Variants in PHF10 observed in about 807,000 individuals in gnomAD.
PHF10 encodes the protein PHD finger protein 10.
PHF10 carries 51 observed loss-of-function variants against 68.5 expected under a neutral mutation model. That is an observed-to-expected ratio of 0.74 (90% CI 0.59 to 0.94). The LOEUF is 0.94. PHF10 is among the 40% of genes least tolerant of loss of function. The pLI is 0.00. For synonymous variants in PHF10, 204 were observed against 203.5 expected (o/e 1.00, Z -0.02); for missense variants, 460 against 602.6 (o/e 0.76, Z 2.48).
At chr6:169,711,835 C>T (rs1296996562) in intron 8 of PHF10, among the ~76,000 whole-genome samples, 1 of 152,150 alleles carries the variant, frequency 6.6e-6, no homozygotes, top group African/African-American at 2.4e-5. Flanking sequence ...AGCCCTATGT[C>T]ATCACTGGGA....
intron 9 of PHF10, 59 bp from the exon 10 acceptor site, chr6:169,705,783 AG>A: frequency 1.1e-6 from 1 of 871,780 alleles, no homozygotes; most frequent in East Asian, 2.4e-5. Flanking sequence ...TGGGTTTAAA[AG>A]GAATTCTGTT....
At chr6:169,704,258 C>T in intron 11 of PHF10, 170 bp from the exon 12 acceptor site, 1 of 544,230 alleles carries the variant, frequency 1.8e-6, no homozygotes, top group Non-Finnish European at 3.2e-6. Context: ...TAAACTTAAT[C>T]AATGTAATCA....
chr6:169,714,965 G>A (rs1789012070), intron 6 of PHF10, 123 bp from the exon 7 acceptor site: 1 of 651,818 alleles, frequency 1.5e-6, no homozygotes. Flanking sequence ...AATTTTAGGA[G>A]ATATCAGGAG....
chr6:169,710,449 G>C (rs981478328), intron 8 of PHF10, 58 bp from the exon 9 acceptor site: 6 of 1,241,888 alleles, frequency 4.8e-6, no homozygotes, highest in Non-Finnish European at 5.8e-6. Flanking sequence ...TTTGAGTCTG[G>C]ATTTTGAAAA....
intron 9 of PHF10, among the ~76,000 whole-genome samples, chr6:169,706,727 T>TACATACACACACAC (rs1490874788): frequency 2.3e-4 from 29 of 127,462 alleles, no homozygotes; most frequent in Non-Finnish European, 4.4e-4. Flanking sequence ...CATACATACA[T>TACATACACACACAC]ACACACACAC....
Position 169,714,824 on chromosome 6 carries a change from C to T in PHF10, c.712G>A (p.Gly238Arg). 2 of 1,560,214 alleles carry T rather than the reference C, an allele frequency of 1.3e-6. No homozygotes were observed. Among genetic ancestry groups the T allele is most frequent in the Non-Finnish European group, 1.8e-6 (2 of 1,131,054 alleles). The change falls in exon 7 of 12, where the codon GGG becomes AGG. Residue 238 changes from glycine (G) to arginine (R), a missense_variant. Gly to Arg is a moderately radical substitution (Grantham distance 125, BLOSUM62 -2). Transcript: ENST00000339209. ...LQTHVIQVPQ[G>R]KYKVLPTERT... ...TCTGTTGGCAAAACTTTGTACTTCC[C>T]TTGAGGTACCTGGATAACCTACGTT... is the stretch of plus-strand genomic sequence containing the variant.
rs575944778 is a variant in PHF10, at chr6:169,705,221, T to A, written c.1323A>T (p.Gln441His). The change falls in exon 11 of 12, where the codon CAA (glutamine) becomes CAT (histidine). Residue 441 changes from glutamine to histidine, a missense_variant. Gln to His is a conservative substitution (Grantham distance 24, BLOSUM62 0). This residue lies in a region of PHF10 where 111 missense variants were observed against 109.7 expected (regional missense o/e 1.01). Transcript: ENST00000339209. ...ACATCATTTCTTCTTCATGGTGGGG[T>A]TGTCCACATATAATGCATGTTTTAC... ...MECKTCIICG[Q>H]PHHEEEMMFC... 11 of 1,613,692 alleles carry A rather than the reference T, an allele frequency of 6.8e-6. No individual in the cohort carries two copies. The highest frequency in any genetic ancestry group is 2.2e-5 in the South Asian group (2 of 91,056).
intron 1 of PHF10, among the ~76,000 whole-genome samples, chr6:169,721,851 G>C (rs1241782496): frequency 6.6e-6 from 1 of 152,142 alleles, no homozygotes; most frequent in African/African-American, 2.4e-5. Flanking sequence ...ATGTAATATA[G>C]CTTTCAACGC....
intron 1 of PHF10, among the ~76,000 whole-genome samples, chr6:169,722,722 G>A (rs768764620): frequency 5.9e-5 from 9 of 152,126 alleles, no homozygotes; most frequent in Non-Finnish European, 1.2e-4. Flanking sequence ...TGATACAGAG[G>A]CCCATGTTTT....
At chr6:169,712,819 C>G (rs1562986542) in intron 7 of PHF10, among the ~76,000 whole-genome samples, 1 of 152,154 alleles carries the variant, frequency 6.6e-6, no homozygotes, top group Non-Finnish European at 1.5e-5. Context: ...AATAAAATGT[C>G]AGCAGCCCCA....
intron 1 of PHF10, among the ~76,000 whole-genome samples, chr6:169,723,092 C>A (rs1562989846): frequency 6.6e-6 from 1 of 152,252 alleles, no homozygotes; most frequent in East Asian, 1.9e-4. Context: ...GCGCACACGG[C>A]ACACCGCGCA....
At chr6:169,713,415 A>G (rs1257406967) in intron 7 of PHF10, among the ~76,000 whole-genome samples, 1 of 152,086 alleles carries the variant, frequency 6.6e-6, no homozygotes, top group African/African-American at 2.4e-5. Flanking sequence ...CCTGGCCAAC[A>G]TGGTGAAACC....
chr6:169,712,569 C>T, intron 7 of PHF10, 30 bp from the exon 8 acceptor site: 2 of 1,581,780 alleles, frequency 1.3e-6, no homozygotes, highest in Admixed American at 1.9e-5. Flanking sequence ...TTTTTGGTTT[C>T]CCTTTATTAT....
Position 169,718,874 on chromosome 6 carries a change from G to A in PHF10, c.239C>T (p.Pro80Leu). 6.3e-7 allele frequency: 1 copy of A among 1,598,446 alleles called. No individual in the cohort carries two copies. Residue 80 changes from proline (P) to leucine (L), a missense_variant, in exon 3 of 12, where the codon CCA (proline) becomes CTA (leucine). Around this residue, in one of 3 missense-constraint regions of PHF10, gnomAD observed 256 missense variants for 410.5 expected, o/e 0.62. Coordinates refer to ENST00000339209, the MANE Select transcript of PHF10 (RefSeq NM_018288.4). ...PAENLIEYKW[P>L]PDETGEYYML... is the part of the protein sequence containing the mutation. ...ATAGTATTCTCCTGTTTCATCAGGT[G>A]GCCATTTGTACTCTATCAAGTTTTC...
At chr6:169,723,495 C>A (rs1225558898) in intron 1 of PHF10, among the ~76,000 whole-genome samples, 1 of 152,242 alleles carries the variant, frequency 6.6e-6, no homozygotes, top group Admixed American at 6.5e-5. Context: ...GCTGAGCGAA[C>A]GCGCGCTTCT....
rs201052993 is a variant in PHF10, at chr6:169,715,861, GA to G, written c.544-5del. On this transcript the variant is annotated splice_region_variant and splice_polypyrimidine_tract_variant and intron_variant, in intron 5 of 11. Transcript: ENST00000339209. ...GAGTATTCTGTTGTTGCATTTGCTGGAAAAAAAAAATACAGTTGGAAGTCAC... is the reference window on the plus strand; with the variant it reads ...GAGTATTCTGTTGTTGCATTTGCTGGAAAAAAAAATACAGTTGGAAGTCAC... 8.8e-4 allele frequency: 1,280 copies of G among 1,452,374 alleles called. No homozygotes were observed. Among genetic ancestry groups the G allele is most frequent in the Admixed American group, 3.2e-3 (161 of 49,670 alleles). 90.0% of individuals were successfully genotyped at this position (1,452,374 alleles called of 1,614,324 possible). A position where few individuals can be genotyped will look rare whatever the true frequency, so the allele number is the denominator to read the frequency against.
chr6:169,703,984 A>G lies in PHF10; in HGVS notation c.*19T>C, dbSNP rs1418045137. The G allele has an allele frequency of 5.1e-6, 8 of 1,568,148 alleles. No homozygotes were observed. Among genetic ancestry groups the G allele is most frequent in the Non-Finnish European group, 7.0e-6 (8 of 1,150,668 alleles). On this transcript the variant is annotated 3_prime_UTR_variant, in exon 12 of 12. Transcript: ENST00000339209. ...TATTCCACTTAAATGCATATACAGTATTAGAGTCAAAAACTATTTTATCCC... is the reference window on the plus strand; with the variant it reads ...TATTCCACTTAAATGCATATACAGTGTTAGAGTCAAAAACTATTTTATCCC...
intron 10 of PHF10, 36 bp from the exon 11 acceptor site, chr6:169,705,357 A>G: frequency 1.4e-6 from 2 of 1,449,588 alleles, no homozygotes; most frequent in Non-Finnish European, 1.9e-6. Context: ...ATCTCACATA[A>G]GAAATTTTAA....
At chr6:169,715,285 C>CA (rs1315906057) in intron 6 of PHF10, among the ~76,000 whole-genome samples, 6 of 151,976 alleles carry the variant, frequency 3.9e-5, no homozygotes, top group Non-Finnish European at 5.9e-5. Context: ...AGACATCTCA[C>CA]AAAAAAATGT....
Sources: allele counts gnomAD v4.1 joint callset (sites outside exome capture counted in the v4.1 genomes callset), GRCh38; gene constraint gnomAD v4.1.1; regional missense constraint gnomAD v4.1.1; transcripts MANE v1.5; gene names NCBI Gene and HGNC (gene_info 2026-07-23, HGNC 2026-07-21).